XKR9: variants seen among roughly 807,000 people sequenced by gnomAD.
XKR9 encodes XK related 9.
Under a neutral mutation model 32.0 loss-of-function variants are expected in XKR9, and 32 were observed. That is an observed-to-expected ratio of 1.00 (90% CI 0.76 to 1.34). The LOEUF (loss-of-function observed/expected upper bound fraction) is 1.34. XKR9 is among the 40% of genes most tolerant of loss of function. The pLI, the probability that XKR9 is intolerant of heterozygous loss-of-function variation, is 0.00. For missense variants in XKR9, 546 were observed against 429.7 expected (o/e 1.27, Z -2.39); for synonymous variants, 168 against 143.4 (o/e 1.17, Z -1.22).
chr8:70,707,282 C>T (rs1384529777), intron 4 of XKR9, 129 bp downstream of exon 4: 3 of 659,416 alleles, frequency 4.5e-6, no homozygotes, highest in South Asian at 5.0e-5. Flanking sequence ...AAAGGAAGTA[C>T]AGTAACATGG....
the XKR9 span, among the ~76,000 whole-genome samples, chr8:71,054,098 G>C: frequency 6.6e-6 from 1 of 152,080 alleles, no homozygotes; most frequent in African/African-American, 2.4e-5. Flanking sequence ...TGGAGCAGAA[G>C]TACCACCCAG....
chr8:71,028,908 A>AAGAGAGAGAGAGAG, the XKR9 span, among the ~76,000 whole-genome samples: 123 of 150,952 alleles, frequency 8.1e-4, no homozygotes, highest in Middle Eastern at 3.4e-3. Flanking sequence ...GACACACAGA[A>AAGAGAGAGAGAGAG]AGAGAGAGAG....
chr8:70,950,565 C>T, the XKR9 span, among the ~76,000 whole-genome samples: 42 of 152,236 alleles, frequency 2.8e-4, no homozygotes, highest in Middle Eastern at 3.4e-3. Flanking sequence ...ACACAGGGCT[C>T]GGAGGACAGC....
At chr8:70,862,570 C>CTTTTT in the XKR9 span, among the ~76,000 whole-genome samples, 1 of 150,670 alleles carries the variant, frequency 6.6e-6, no homozygotes, top group Non-Finnish European at 1.5e-5. Flanking sequence ...TCATATTTTT[C>CTTTTT]TTAGAGGCAG....
the XKR9 span, among the ~76,000 whole-genome samples, chr8:70,832,090 A>G: frequency 6.6e-6 from 1 of 152,202 alleles, no homozygotes; most frequent in African/African-American, 2.4e-5. Flanking sequence ...CTTGATAGCC[A>G]TCTATTCACT....
chr8:70,842,903 G>A, the XKR9 span, among the ~76,000 whole-genome samples: 1 of 151,922 alleles, frequency 6.6e-6, no homozygotes, highest in Non-Finnish European at 1.5e-5. Context: ...GCCCTTCTGG[G>A]GTCTACCAGA....
At chr8:71,018,244 G>C in the XKR9 span, among the ~76,000 whole-genome samples, 1 of 152,056 alleles carries the variant, frequency 6.6e-6, no homozygotes. Flanking sequence ...AGAAGCTGAA[G>C]TGCTTCAGCA....
At chr8:70,741,157 G>A (rs1170715433) in intron 2 of XKR9, among the ~76,000 whole-genome samples, 1 of 152,230 alleles carries the variant, frequency 6.6e-6, no homozygotes, top group Non-Finnish European at 1.5e-5. Context: ...GTTTACCTAA[G>A]CAAGCCTGGG....
intron 3 of XKR9, among the ~76,000 whole-genome samples, chr8:70,684,375 C>T (rs1024869471): frequency 6.6e-6 from 1 of 152,140 alleles, no homozygotes; most frequent in East Asian, 1.9e-4. Context: ...GTGATACATT[C>T]TGTGGAATGT....
chr8:70,744,200 A>T (rs977890521), intron 2 of XKR9, among the ~76,000 whole-genome samples: 1 of 151,962 alleles, frequency 6.6e-6, no homozygotes, highest in Non-Finnish European at 1.5e-5. Flanking sequence ...AATCCCAGCT[A>T]CTTGGGAGGC....
intron 2 of XKR9, among the ~76,000 whole-genome samples, chr8:70,768,519 G>A (rs572978195): frequency 2.0e-5 from 3 of 152,242 alleles, no homozygotes; most frequent in Admixed American, 1.3e-4. Flanking sequence ...TGACAGTGGA[G>A]TGTAAAGTCT....
the XKR9 span, among the ~76,000 whole-genome samples, chr8:71,064,388 T>C: frequency 2.0e-5 from 3 of 152,170 alleles, no homozygotes; most frequent in Non-Finnish European, 4.4e-5. Context: ...TGAAAATATT[T>C]TATATATTGA....
the XKR9 span, among the ~76,000 whole-genome samples, chr8:70,998,984 A>G: frequency 6.6e-6 from 1 of 152,124 alleles, no homozygotes; most frequent in African/African-American, 2.4e-5. Context: ...CCAACCGCAG[A>G]TGAAAAGTTG....
At chr8:70,853,285 G>A in the XKR9 span, among the ~76,000 whole-genome samples, 1 of 151,880 alleles carries the variant, frequency 6.6e-6, no homozygotes, top group Non-Finnish European at 1.5e-5. Context: ...GAGAAAGTGG[G>A]GATGGATAAT....
the XKR9 span, among the ~76,000 whole-genome samples, chr8:70,946,707 C>T: frequency 1.3e-5 from 2 of 152,204 alleles, no homozygotes; most frequent in Non-Finnish European, 2.9e-5. Flanking sequence ...TACAAAACCT[C>T]TGTGATATGA....
chr8:70,949,463 A>G, the XKR9 span, among the ~76,000 whole-genome samples: 2 of 151,928 alleles, frequency 1.3e-5, no homozygotes, highest in Middle Eastern at 6.9e-3. Context: ...TAAGATTTAT[A>G]TTAAATCTTA....
At chr8:70,740,488 C>T (rs1465774575), downstream of XKR9, among the ~76,000 whole-genome samples, 3 of 152,166 alleles carry the variant, frequency 2.0e-5, no homozygotes, top group Non-Finnish European at 4.4e-5. Context: ...ATTCTCTGTC[C>T]AGCTTTGTTC....
the XKR9 span, among the ~76,000 whole-genome samples, chr8:70,935,768 T>G: frequency 6.6e-6 from 1 of 152,072 alleles, no homozygotes; most frequent in Non-Finnish European, 1.5e-5. Flanking sequence ...CAAAACTACT[T>G]CTGCAAGGGA....
At chr8:71,041,673 C>T in the XKR9 span, among the ~76,000 whole-genome samples, 3 of 152,152 alleles carry the variant, frequency 2.0e-5, no homozygotes, top group East Asian at 3.9e-4. Flanking sequence ...GTTCTCTTAA[C>T]AGTGAGGGCA....
Sources: allele counts gnomAD v4.1 joint callset (sites outside exome capture counted in the v4.1 genomes callset), GRCh38; gene constraint gnomAD v4.1.1; transcripts MANE v1.5; gene names NCBI Gene and HGNC (gene_info 2026-07-23, HGNC 2026-07-21).